MSH4: variants seen among roughly 807,000 people sequenced by gnomAD.
MSH4 encodes mutS homolog 4, also known as mutS protein homolog 4.
Under a neutral mutation model 113.7 loss-of-function variants are expected in MSH4, and 106 were observed. The ratio of observed to expected loss-of-function variants is 0.93; its 90% CI spans 0.80 to 1.10. The LOEUF is 1.10. Ranked by LOEUF, MSH4 falls within the 50% of genes least tolerant of loss-of-function variation. The pLI, the probability that MSH4 is intolerant of heterozygous loss-of-function variation, is 0.00. For missense variants in MSH4, 1,061 were observed against 1,093.7 expected (o/e 0.97, Z 0.42); for synonymous variants, 368 against 380.2 (o/e 0.97, Z 0.37).
At chr1:75,854,731 T>G (rs1651278757) in intron 8 of MSH4, among the ~76,000 whole-genome samples, 1 of 152,182 alleles carries the variant, frequency 6.6e-6, no homozygotes, top group Admixed American at 6.5e-5. Context: ...TTTTTGAATA[T>G]GTTGCTAGCC....
chr1:75,893,220 A>G (rs1159405939), intron 17 of MSH4, among the ~76,000 whole-genome samples: 2 of 152,222 alleles, frequency 1.3e-5, no homozygotes, highest in Admixed American at 1.3e-4. Flanking sequence ...TTGCCAGCTC[A>G]TTGCTGCATA....
chr1:75,908,538 A>G (rs1226040659), intron 19 of MSH4, among the ~76,000 whole-genome samples: 1 of 152,102 alleles, frequency 6.6e-6, no homozygotes, highest in African/African-American at 2.4e-5. Context: ...TAAAACTGCT[A>G]TTTTGAATTC....
At chr1:75,900,186 A>G (rs990173552) in intron 19 of MSH4, among the ~76,000 whole-genome samples, 1 of 152,164 alleles carries the variant, frequency 6.6e-6, no homozygotes, top group Admixed American at 6.5e-5. Context: ...AGGTTCACAG[A>G]GGTTAAGTGA....
chr1:75,834,251 A>C (rs940682097), intron 7 of MSH4, among the ~76,000 whole-genome samples: 1 of 152,244 alleles, frequency 6.6e-6, no homozygotes, highest in African/African-American at 2.4e-5. Context: ...CATCAGTTAG[A>C]ATGGCAATCA....
chr1:75,841,405 C>T (rs1650957542), intron 7 of MSH4, among the ~76,000 whole-genome samples: 1 of 151,922 alleles, frequency 6.6e-6, no homozygotes, highest in South Asian at 2.1e-4. Flanking sequence ...GCTCTGTTGC[C>T]CAGGCTGAAC....
chr1:75,820,961 C>CTT (rs946507512), intron 6 of MSH4, among the ~76,000 whole-genome samples: 1 of 151,348 alleles, frequency 6.6e-6, no homozygotes, highest in Non-Finnish European at 1.5e-5. Context: ...TAATGGGAGA[C>CTT]TTTAACACCC....
At chr1:75,908,819 G>A (rs1363758029) in intron 19 of MSH4, among the ~76,000 whole-genome samples, 1 of 152,096 alleles carries the variant, frequency 6.6e-6, no homozygotes, top group African/African-American at 2.4e-5. Context: ...GGCACCTTAA[G>A]CCCAGAATTT....
At chr1:75,853,545 C>G (rs1651241298) in intron 8 of MSH4, among the ~76,000 whole-genome samples, 1 of 152,054 alleles carries the variant, frequency 6.6e-6, no homozygotes, top group South Asian at 2.1e-4. Flanking sequence ...TATGATTCCC[C>G]CATTTAATTA....
At chr1:75,906,502 T>TA (rs377407881) in intron 19 of MSH4, among the ~76,000 whole-genome samples, 27 of 400 alleles carry the variant, frequency 0.068, 1 homozygote, top group South Asian at 0.12. Context: ...ATATTATATA[T>TA]ATATAATATA....
At chr1:75,845,334 G>C (rs1651052388) in intron 7 of MSH4, among the ~76,000 whole-genome samples, 1 of 152,158 alleles carries the variant, frequency 6.6e-6, no homozygotes, top group Non-Finnish European at 1.5e-5. Flanking sequence ...CTCAAGGCAT[G>C]ATTCCTCCTG....
intron 19 of MSH4, among the ~76,000 whole-genome samples, chr1:75,907,687 TAC>T (rs1173798569): frequency 1.1e-4 from 7 of 64,842 alleles, no homozygotes; most frequent in East Asian, 9.3e-4. Context: ...TCTCTCTCTA[TAC>T]ATATATATAT....
chr1:75,841,233 C>A (rs142269178), intron 7 of MSH4, among the ~76,000 whole-genome samples: 1,907 of 143,316 alleles, frequency 0.013, 22 homozygotes, highest in Non-Finnish European at 0.017. Context: ...CAGGGTCTCA[C>A]TCTGTCACCC....
intron 9 of MSH4, among the ~76,000 whole-genome samples, chr1:75,869,793 G>A (rs767209224): frequency 3.3e-5 from 5 of 152,218 alleles, no homozygotes; most frequent in Non-Finnish European, 5.9e-5. Context: ...CTTCAGGGAC[G>A]GGACCCTCAT....
chr1:75,840,681 AAAAAT>A (rs201264241), intron 7 of MSH4, among the ~76,000 whole-genome samples: 38,124 of 150,852 alleles, frequency 0.25, 6,122 homozygotes, highest in East Asian at 0.67. Context: ...TAATAAAATA[AAAAAT>A]AAAATAAAAT....
At chr1:75,888,815 ACTGT>A (rs562635514) in intron 15 of MSH4, among the ~76,000 whole-genome samples, 6 of 151,678 alleles carry the variant, frequency 4.0e-5, no homozygotes, top group Non-Finnish European at 5.9e-5. Context: ...TGTGTTTATA[ACTGT>A]CTGTTTGTTA....
intron 4 of MSH4, among the ~76,000 whole-genome samples, chr1:75,813,891 A>G (rs1004551678): frequency 3.3e-5 from 5 of 152,126 alleles, no homozygotes; most frequent in African/African-American, 1.2e-4. Context: ...AATATGAAGT[A>G]TAAGGAAAAT....
intron 8 of MSH4, among the ~76,000 whole-genome samples, chr1:75,857,084 T>G (rs1330207972): frequency 1.3e-5 from 2 of 152,242 alleles, no homozygotes; most frequent in African/African-American, 4.8e-5. Context: ...CATAAATGTC[T>G]TCTTTTGAGA....
intron 15 of MSH4, among the ~76,000 whole-genome samples, chr1:75,888,644 T>C (rs1370735075): frequency 6.6e-6 from 1 of 151,964 alleles, no homozygotes. Flanking sequence ...ACATAATAAT[T>C]GCACGCATTT....
chr1:75,908,037 A>T (rs1652706855), intron 19 of MSH4, among the ~76,000 whole-genome samples: 1 of 148,932 alleles, frequency 6.7e-6, no homozygotes, highest in Non-Finnish European at 1.5e-5. Flanking sequence ...CTTCTGCTTG[A>T]TCTATTTCTT....
Sources: gnomAD v4.1 joint callset for allele counts (sites outside exome capture counted in the v4.1 genomes callset) on GRCh38, gnomAD v4.1.1 for gene constraint, MANE v1.5 for transcripts, NCBI Gene and HGNC (gene_info 2026-07-23, HGNC 2026-07-21) for gene names.